Variants in ADARB2 observed in about 807,000 individuals in gnomAD.
ADARB2 encodes the protein adenosine deaminase RNA specific B2 (inactive), also known as inactive double-stranded RNA-specific editase B2.
ADARB2 carries 25 observed loss-of-function variants against 62.2 expected under a neutral mutation model. The observed-to-expected ratio is 0.40, with a 90% CI of 0.29 to 0.56. The LOEUF (loss-of-function observed/expected upper bound fraction) is 0.56. ADARB2 is among the 20% of genes least tolerant of loss of function. ADARB2 has a pLI of 0.43. For synonymous variants in ADARB2, 572 were observed against 500.8 expected (o/e 1.14, Z -1.90); for missense variants, 1,071 against 1,077.4 (o/e 0.99, Z 0.08).
intron 1 of ADARB2, among the ~76,000 whole-genome samples, chr10:1,581,499 C>G (rs1833098450): frequency 6.6e-6 from 1 of 152,212 alleles, no homozygotes. Context: ...TGGCTCTACT[C>G]CTTGTTAGCT....
chr10:1,488,907 T>TTG (rs1831585732), intron 1 of ADARB2, among the ~76,000 whole-genome samples: 1 of 152,212 alleles, frequency 6.6e-6, no homozygotes, highest in African/African-American at 2.4e-5. Flanking sequence ...GGGAACACAT[T>TTG]CCGATCTGAT....
At chr10:1,634,069 G>T (rs1833883737) in intron 1 of ADARB2, among the ~76,000 whole-genome samples, 1 of 152,098 alleles carries the variant, frequency 6.6e-6, no homozygotes, top group South Asian at 2.1e-4. Flanking sequence ...GGCTCCTGGG[G>T]CCCCTCTCCC....
intron 3 of ADARB2, among the ~76,000 whole-genome samples, chr10:1,295,211 G>A (rs1437559261): frequency 6.6e-6 from 1 of 152,192 alleles, no homozygotes; most frequent in Admixed American, 6.5e-5. Context: ...TTGGCTGATT[G>A]ATGGGGCCTG....
chr10:1,417,235 C>A (rs1431151572), intron 1 of ADARB2, among the ~76,000 whole-genome samples: 1 of 151,654 alleles, frequency 6.6e-6, no homozygotes, highest in Non-Finnish European at 1.5e-5. Flanking sequence ...GAAGTGTAGA[C>A]CAAGACAGTC....
chr10:1,688,651 A>G lies in ADARB2; in HGVS notation c.100+48400T>C, dbSNP rs1195675352. On this transcript the variant is annotated intron_variant, in intron 1 of 9. Coordinates refer to ENST00000381312, the MANE Select transcript of ADARB2 (RefSeq NM_018702.4). Reference sequence around the variant, plus strand: ...TCACACACACTCAACATCTCATCCAACCCCCTCCTGCAAAAAATAAAAAGA... The same window carrying G: ...TCACACACACTCAACATCTCATCCAGCCCCCTCCTGCAAAAAATAAAAAGA... 2.6e-5 allele frequency among the ~76,000 whole-genome samples: 4 copies of G among 151,568 alleles called. No individual in the cohort carries two copies. The East Asian group carries it at 7.8e-4, about 29-fold the overall frequency.
chr10:1,232,463 G>A (rs933604690), intron 6 of ADARB2, among the ~76,000 whole-genome samples: 5 of 151,176 alleles, frequency 3.3e-5, no homozygotes, highest in African/African-American at 9.7e-5. Flanking sequence ...TGCATGTATG[G>A]CATATATGGC....
intron 1 of ADARB2, among the ~76,000 whole-genome samples, chr10:1,462,700 T>G (rs1245849338): frequency 6.6e-6 from 1 of 152,010 alleles, no homozygotes; most frequent in Non-Finnish European, 1.5e-5. Flanking sequence ...TGTGTGTGCC[T>G]GTGTGTATGT....
At chr10:1,464,415 GC>G (rs1191084762) in intron 1 of ADARB2, among the ~76,000 whole-genome samples, 1 of 127,548 alleles carries the variant, frequency 7.8e-6, no homozygotes, top group African/African-American at 3.0e-5. Context: ...CCCCACACAC[GC>G]GCGGGGGCCA....
At chr10:1,387,318 CA>C (rs139896339) in intron 1 of ADARB2, among the ~76,000 whole-genome samples, 1 of 151,364 alleles carries the variant, frequency 6.6e-6, no homozygotes, top group Non-Finnish European at 1.5e-5. Context: ...CCTAATGAAG[CA>C]AAAAAATTGG....
intron 1 of ADARB2, among the ~76,000 whole-genome samples, chr10:1,548,797 G>C (rs1267329314): frequency 2.0e-5 from 3 of 152,206 alleles, no homozygotes; most frequent in African/African-American, 7.2e-5. Context: ...ATGGTGTCAC[G>C]TGATGCCAGG....
chr10:1,686,603 G>T (rs567074113), intron 1 of ADARB2, among the ~76,000 whole-genome samples: 5 of 152,136 alleles, frequency 3.3e-5, no homozygotes, highest in African/African-American at 4.8e-5. Context: ...CTGTGAACCC[G>T]CTGGGCTTCC....
At chr10:1,710,267 T>G (rs906308789) in intron 1 of ADARB2, among the ~76,000 whole-genome samples, 7 of 152,242 alleles carry the variant, frequency 4.6e-5, no homozygotes, top group Non-Finnish European at 8.8e-5. Flanking sequence ...TCATCATCTC[T>G]GAGTCTTAAT....
At chr10:1,617,891 G>A (rs1433401103) in intron 1 of ADARB2, among the ~76,000 whole-genome samples, 1 of 152,264 alleles carries the variant, frequency 6.6e-6, no homozygotes, top group East Asian at 1.9e-4. Context: ...CTGTTTGACA[G>A]TTGCTGTGTT....
intron 1 of ADARB2, among the ~76,000 whole-genome samples, chr10:1,471,261 T>A (rs1831318866): frequency 6.6e-6 from 1 of 152,184 alleles, no homozygotes; most frequent in Non-Finnish European, 1.5e-5. Flanking sequence ...TTCCCACCGT[T>A]CTCCTTCTGA....
At chr10:1,613,102 G>C (rs537295531) in intron 1 of ADARB2, among the ~76,000 whole-genome samples, 2 of 152,310 alleles carry the variant, frequency 1.3e-5, no homozygotes, top group East Asian at 3.9e-4. Context: ...CAGCTCCCCG[G>C]CATCTGTCTG....
intron 3 of ADARB2, among the ~76,000 whole-genome samples, chr10:1,357,436 A>G (rs575196662): frequency 3.5e-4 from 53 of 152,234 alleles, no homozygotes; most frequent in African/African-American, 1.3e-3. Flanking sequence ...TGGCACCACA[A>G]TCTCACCTCC....
intron 3 of ADARB2, among the ~76,000 whole-genome samples, chr10:1,289,484 C>A (rs964765276): frequency 9.9e-5 from 15 of 152,250 alleles, no homozygotes; most frequent in Non-Finnish European, 1.8e-4. Flanking sequence ...GAGGAGGAGG[C>A]CTTCAGGGGG....
At chr10:1,428,114 G>A (rs549147861) in intron 1 of ADARB2, among the ~76,000 whole-genome samples, 4 of 151,450 alleles carry the variant, frequency 2.6e-5, no homozygotes, top group African/African-American at 7.3e-5. Context: ...AGGATTACAG[G>A]CATGCACCAC....
At chr10:1,556,972 A>AT (rs1256165356) in intron 1 of ADARB2, 5 of 392,910 alleles carry the variant, frequency 1.3e-5, no homozygotes, top group African/African-American at 1.1e-4. Flanking sequence ...AATCCAGACA[A>AT]TTTTCACCTC....
Sources: allele counts gnomAD v4.1 joint callset (sites outside exome capture counted in the v4.1 genomes callset), GRCh38; gene constraint gnomAD v4.1.1; transcripts MANE v1.5; gene names NCBI Gene and HGNC (gene_info 2026-07-23, HGNC 2026-07-21).